The following TNFRSF11B variants were observed in gnomAD, a reference collection of about 807,000 sequenced individuals.
TNFRSF11B encodes tumor necrosis factor receptor superfamily member 11B.
Under a neutral mutation model 43.4 loss-of-function variants are expected in TNFRSF11B, and 16 were observed. The observed-to-expected ratio is 0.37, with a 90% confidence interval of 0.25 to 0.56. The LOEUF is 0.56. Among genes scored for constraint, TNFRSF11B ranks in the 20% least tolerant of loss-of-function variants. TNFRSF11B has a pLI of 0.80. For missense variants in TNFRSF11B, 444 were observed against 490.1 expected (o/e 0.91, Z 0.89); for synonymous variants, 185 against 181.8 (o/e 1.02, Z -0.14).
intron 2 of TNFRSF11B, among the ~76,000 whole-genome samples, chr8:118,930,239 T>C (rs1447122098): frequency 6.6e-6 from 1 of 152,228 alleles, no homozygotes; most frequent in Non-Finnish European, 1.5e-5. Context: ...TTAAATGGGA[T>C]ACAACTCTAT....
intron 1 of TNFRSF11B, among the ~76,000 whole-genome samples, chr8:118,945,720 G>C (rs1012322805): frequency 6.6e-6 from 1 of 151,938 alleles, no homozygotes; most frequent in Non-Finnish European, 1.5e-5. Context: ...CATTTTTTTG[G>C]AACAAGAAAG....
intron 2 of TNFRSF11B, among the ~76,000 whole-genome samples, chr8:118,931,991 C>A (rs960384317): frequency 6.6e-6 from 1 of 152,070 alleles, no homozygotes; most frequent in Non-Finnish European, 1.5e-5. Flanking sequence ...CAAAATTCTA[C>A]AATGCGCAGG....
At chr8:118,926,209 G>A (rs1563688164) in intron 4 of TNFRSF11B, among the ~76,000 whole-genome samples, 2 of 152,136 alleles carry the variant, frequency 1.3e-5, no homozygotes, top group Non-Finnish European at 2.9e-5. Context: ...ATCTGGAAGC[G>A]ACTCCCTGAG....
At chr8:118,927,573 TAAG>T (rs1479311637) in intron 3 of TNFRSF11B, among the ~76,000 whole-genome samples, 7 of 133,386 alleles carry the variant, frequency 5.2e-5, no homozygotes, top group Admixed American at 4.5e-4. Context: ...TTTTTTTAGA[TAAG>T]AAAGCAAAGG....
chr8:118,940,299 T>G (rs1812467130), intron 1 of TNFRSF11B, among the ~76,000 whole-genome samples: 1 of 152,210 alleles, frequency 6.6e-6, no homozygotes. Flanking sequence ...CTGCACGTTG[T>G]GCACATGCAC....
chr8:118,929,746 A>T (rs970159094), intron 2 of TNFRSF11B, among the ~76,000 whole-genome samples: 6 of 152,254 alleles, frequency 3.9e-5, no homozygotes, highest in African/African-American at 1.4e-4. Flanking sequence ...TATATTACGC[A>T]TGGCTAGATC....
chr8:118,931,522 T>C (rs145987141), intron 2 of TNFRSF11B, among the ~76,000 whole-genome samples: 47 of 152,216 alleles, frequency 3.1e-4, no homozygotes, highest in African/African-American at 1.1e-3. Context: ...GATTTGCTTT[T>C]ATCTGATGGG....
intron 2 of TNFRSF11B, among the ~76,000 whole-genome samples, chr8:118,930,197 G>A (rs1023328479): frequency 1.3e-5 from 2 of 152,160 alleles, no homozygotes; most frequent in African/African-American, 4.8e-5. Flanking sequence ...TTGTGTGTTT[G>A]TTTTTAGTAC....
intron 1 of TNFRSF11B, among the ~76,000 whole-genome samples, chr8:118,948,790 A>G (rs1348510361): frequency 1.0e-5 from 1 of 97,842 alleles, no homozygotes. Flanking sequence ...CAAACAAACA[A>G]ACAAAAAAAA....
chr8:118,932,113 G>A (rs1436488367), intron 2 of TNFRSF11B, among the ~76,000 whole-genome samples: 1 of 152,146 alleles, frequency 6.6e-6, no homozygotes, highest in Non-Finnish European at 1.5e-5. Context: ...AATCTATACT[G>A]ATTACTTCTT....
chr8:118,947,578 T>C (rs1812583686), intron 1 of TNFRSF11B, among the ~76,000 whole-genome samples: 1 of 152,180 alleles, frequency 6.6e-6, no homozygotes, highest in Non-Finnish European at 1.5e-5. Flanking sequence ...TCATGTCCTA[T>C]TGACCACTGA....
At chr8:118,930,732 C>A in intron 2 of TNFRSF11B, 1 of 450,848 alleles carries the variant, frequency 2.2e-6, no homozygotes. Flanking sequence ...GTTCATTCTT[C>A]AGATACATAT....
In TNFRSF11B at chr8:118,926,658, T is replaced by G. The variant is rs1170639210; in HGVS notation, c.653A>C (p.Asn218Thr). The G allele has an allele frequency of 2.5e-6, 4 of 1,614,062 alleles. No homozygotes were observed. Among genetic ancestry groups the G allele is most frequent in the Admixed American group, 3.3e-5 (2 of 59,986 alleles). ...ATTGTCTACCAAGACACTAAGCCAG[T>G]TAGGCGTAAACTTTGTAGGAACAGC... ...RFAVPTKFTP[N>T]WLSVLVDNLP... Residue 218 changes from asparagine (N) to threonine (T), a missense_variant, in exon 4 of 5, where the codon AAC (asparagine) becomes ACC (threonine). Coordinates refer to ENST00000297350, the MANE Select transcript of TNFRSF11B (RefSeq NM_002546.4).
At chr8:118,933,723 A>G (rs1402745583) in intron 1 of TNFRSF11B, among the ~76,000 whole-genome samples, 3 of 152,188 alleles carry the variant, frequency 2.0e-5, no homozygotes, top group African/African-American at 4.8e-5. Context: ...CATATCCTTA[A>G]GTATTCTTAT....
At position 118,928,719 on chromosome 8, in the gene TNFRSF11B, TA is replaced by T. The variant is rs771095050; in HGVS notation, c.592+18del. ...GATACTACAAAATCGTACAAAGACGTATTTTGGAATGTAATTACCTATTCCA... is the reference window on the plus strand; with the variant it reads ...GATACTACAAAATCGTACAAAGACGTTTTTGGAATGTAATTACCTATTCCA... On this transcript the variant is annotated intron_variant, in intron 3 of 4. Coordinates refer to ENST00000297350, the MANE Select transcript of TNFRSF11B (RefSeq NM_002546.4). The T allele has an allele frequency of 1.9e-6, 3 of 1,611,880 alleles. No homozygotes were observed. Among genetic ancestry groups the T allele is most frequent in the Non-Finnish European group, 2.5e-6 (3 of 1,178,042 alleles).
intron 1 of TNFRSF11B, among the ~76,000 whole-genome samples, chr8:118,950,773 A>G (rs1041467200): frequency 7.2e-5 from 11 of 152,148 alleles, no homozygotes; most frequent in African/African-American, 2.4e-4. Flanking sequence ...TAGTGTCTTT[A>G]CTATTTATTT....
rs998044045 is a variant in TNFRSF11B at position 118,951,705 on chromosome 8, C to T, written c.30+87G>A. On this transcript the variant is annotated intron_variant, in intron 1 of 4. Transcript: ENST00000297350. ...TGGGAGGGAGCGAGTGGAGCCTTCT[C>T]CCCGCCGGTCCGCTGGGAGGTTGGG... 4.4e-6 allele frequency: 6 copies of T among 1,350,786 alleles called. No individual in the cohort carries two copies. In the South Asian group the frequency reaches 7.5e-5, roughly 17 times the overall value. 83.7% of individuals were successfully genotyped at this position (1,350,786 alleles called of 1,614,324 possible).
At chr8:118,951,753 C>T in intron 1 of TNFRSF11B, 39 bp downstream of exon 1, 1 of 1,569,346 alleles carries the variant, frequency 6.4e-7, no homozygotes, top group Non-Finnish European at 8.6e-7. Context: ...AGCAGCCTCC[C>T]CAGGCGCCGG....
chr8:118,943,511 C>T (rs1812517136), intron 1 of TNFRSF11B, among the ~76,000 whole-genome samples: 1 of 152,016 alleles, frequency 6.6e-6, no homozygotes, highest in African/African-American at 2.4e-5. Context: ...CTGGACTCAG[C>T]TAATAGATAT....
Sources: gnomAD v4.1 joint callset for allele counts (sites outside exome capture counted in the v4.1 genomes callset) on GRCh38, gnomAD v4.1.1 for gene constraint, MANE v1.5 for transcripts, NCBI Gene and HGNC (gene_info 2026-07-23, HGNC 2026-07-21) for gene names.